The following EDA variants were observed in gnomAD, a reference collection of about 807,000 sequenced individuals.
EDA encodes ectodysplasin-A.
EDA carries 2 observed loss-of-function variants against 23.6 expected under a neutral mutation model. That is an observed-to-expected ratio of 0.08 (90% CI 0.03 to 0.27). EDA has a LOEUF of 0.27. EDA is among the 10% of genes least tolerant of loss of function. The pLI is 1.00. For synonymous variants in EDA, 131 were observed against 132.0 expected (o/e 0.99, Z 0.05); for missense variants, 229 against 324.2 (o/e 0.71, Z 2.26).
At chrX:69,928,052 C>T (rs1170204106) in intron 1 of EDA, among the ~76,000 whole-genome samples, 2 of 111,690 alleles carry the variant, frequency 1.8e-5, no homozygotes, top group South Asian at 3.7e-4. Flanking sequence ...TCACAACAAT[C>T]CCATGGTGAT....
chrX:69,626,818 C>G (rs187280629), intron 1 of EDA, among the ~76,000 whole-genome samples: 1 of 111,717 alleles, frequency 9.0e-6, no homozygotes, highest in East Asian at 2.8e-4. Flanking sequence ...TTGAATTGTA[C>G]ACTTAAAATG....
chrX:69,942,433 T>A (rs774403939), intron 1 of EDA, among the ~76,000 whole-genome samples: 7 of 111,666 alleles, frequency 6.3e-5, no homozygotes, highest in Non-Finnish European at 1.1e-4. Context: ...CTCTCCTTCA[T>A]GTTTGAAGGA....
At position 69,776,267 on chromosome X, in the gene EDA, T is replaced by C; in HGVS notation, c.396+159563T>C. ...ATTATACTTTTTACAAATTTTTGTA[T>C]GAACAGTGATGTAGTTTGGCTGTGT... is the stretch of plus-strand genomic sequence containing the variant. On this transcript the variant is annotated intron_variant, in intron 1 of 7. Coordinates refer to ENST00000374552, the MANE Select transcript of EDA (RefSeq NM_001399.5). Among the ~76,000 whole-genome samples, 2 of 112,125 alleles carry C rather than the reference T, an allele frequency of 1.8e-5. 1 individual carries two copies. The highest frequency in any genetic ancestry group is 7.4e-4 in the South Asian group (2 of 2,716).
At chrX:69,755,359 G>T (rs748464257) in intron 1 of EDA, among the ~76,000 whole-genome samples, 1 of 111,592 alleles carries the variant, frequency 9.0e-6, no homozygotes, top group Non-Finnish European at 1.9e-5. Context: ...GGTATCACCA[G>T]CAGAGGCTGC....
chrX:69,749,184 C>T (rs923740937), intron 1 of EDA, among the ~76,000 whole-genome samples: 4 of 79,192 alleles, frequency 5.1e-5, no homozygotes, highest in Admixed American at 1.5e-4. Context: ...TGAGAATATG[C>T]GGTGTTTGGT....
chrX:69,756,139 G>T (rs2014109473), intron 1 of EDA, among the ~76,000 whole-genome samples: 1 of 112,174 alleles, frequency 8.9e-6, no homozygotes, highest in Non-Finnish European at 1.9e-5. Context: ...CTCATGCTGG[G>T]AGCTGCAGAA....
chrX:69,932,145 G>T (rs2018607040), intron 1 of EDA, among the ~76,000 whole-genome samples: 1 of 111,634 alleles, frequency 9.0e-6, no homozygotes, highest in African/African-American at 3.3e-5. Context: ...CTGATCTATA[G>T]TGGCAAAAAG....
At chrX:70,001,084 C>A (rs764220185) in intron 2 of EDA, among the ~76,000 whole-genome samples, 1 of 111,710 alleles carries the variant, frequency 9.0e-6, no homozygotes, top group Non-Finnish European at 1.9e-5. Context: ...CCAGAAGAAT[C>A]CAGGTAGTAT....
At chrX:69,978,318 TAAA>T (rs144187734) in intron 2 of EDA, among the ~76,000 whole-genome samples, 1 of 20,421 alleles carries the variant, frequency 4.9e-5, no homozygotes, top group Non-Finnish European at 1.5e-4. Context: ...ACTCCATCTC[TAAA>T]AAAAAAAAAA....
intron 1 of EDA, among the ~76,000 whole-genome samples, chrX:69,941,386 AT>A (rs1396735705): frequency 9.0e-6 from 1 of 111,351 alleles, no homozygotes; most frequent in Non-Finnish European, 1.9e-5. Context: ...TCCATCTATT[AT>A]TGTGTTGGGG....
rs912940247 is a variant in EDA at position 69,961,542 on chromosome X, C to G, written c.502+4410C>G. Reference sequence around the variant, plus strand: ...TAAAAAGAAAGTCAGTGGCAATATCCAGGGTATATACAATCTTTCTGACTC... The same window carrying G: ...TAAAAAGAAAGTCAGTGGCAATATCGAGGGTATATACAATCTTTCTGACTC... On this transcript the variant is annotated intron_variant, in intron 2 of 7. Coordinates refer to ENST00000374552, the MANE Select transcript of EDA (RefSeq NM_001399.5). Among the ~76,000 whole-genome samples, 3 of 111,515 alleles carry G rather than the reference C, an allele frequency of 2.7e-5. No individual in the cohort carries two copies. The Admixed American group carries it at 2.9e-4, about 11-fold the overall frequency.
intron 1 of EDA, among the ~76,000 whole-genome samples, chrX:69,843,591 CT>C (rs2016940470): frequency 9.0e-6 from 1 of 111,049 alleles, no homozygotes; most frequent in South Asian, 3.8e-4. Context: ...TCCATTCTGC[CT>C]TTCCTCTGCA....
At chrX:69,778,434 A>G (rs1424307910) in intron 1 of EDA, among the ~76,000 whole-genome samples, 2 of 111,832 alleles carry the variant, frequency 1.8e-5, no homozygotes, top group East Asian at 5.6e-4. Flanking sequence ...CTAAAGGTTT[A>G]AGAGTCTGAA....
intron 1 of EDA, among the ~76,000 whole-genome samples, chrX:69,708,580 C>T (rs956447569): frequency 3.6e-5 from 4 of 111,013 alleles, no homozygotes; most frequent in Non-Finnish European, 5.7e-5. Context: ...CCTTCACTTG[C>T]AGGGACATCT....
chrX:69,756,619 G>A (rs751664308), intron 1 of EDA, among the ~76,000 whole-genome samples: 4 of 111,622 alleles, frequency 3.6e-5, no homozygotes, highest in East Asian at 2.8e-4. Context: ...ATTAAATTTC[G>A]AAACCTCCTT....
intron 1 of EDA, among the ~76,000 whole-genome samples, chrX:69,872,453 A>G (rs750418287): frequency 1.8e-5 from 2 of 112,162 alleles, no homozygotes; most frequent in Non-Finnish European, 3.8e-5. Flanking sequence ...AAGATATAGA[A>G]TGGCAGAATG....
At chrX:69,664,528 C>G (rs976012458) in intron 1 of EDA, among the ~76,000 whole-genome samples, 2 of 112,081 alleles carry the variant, frequency 1.8e-5, no homozygotes, top group Non-Finnish European at 1.9e-5. Flanking sequence ...TTATTAGCAG[C>G]ATGAGAACAC....
At chrX:69,747,716 A>G (rs2013666263) in intron 1 of EDA, among the ~76,000 whole-genome samples, 1 of 112,145 alleles carries the variant, frequency 8.9e-6, no homozygotes, top group South Asian at 3.7e-4. Context: ...AGATAGAGTC[A>G]ACAGGGCTTG....
intron 1 of EDA, among the ~76,000 whole-genome samples, chrX:69,896,923 G>T (rs1202965): frequency 0.16 from 17,558 of 111,005 alleles, 1,263 homozygotes; most frequent in Non-Finnish European, 0.23. Context: ...ATTTTGAAAA[G>T]AAAAATATTT....
Sources: gnomAD v4.1 joint callset for allele counts (sites outside exome capture counted in the v4.1 genomes callset) on GRCh38, gnomAD v4.1.1 for gene constraint, MANE v1.5 for transcripts, NCBI Gene and HGNC (gene_info 2026-07-23, HGNC 2026-07-21) for gene names.